Variants in LRMDA observed in about 807,000 individuals in gnomAD.
The protein encoded by LRMDA is leucine rich melanocyte differentiation associated.
Under a neutral mutation model 29.8 loss-of-function variants are expected in LRMDA, and 18 were observed. The observed-to-expected ratio is 0.60, with a 90% CI of 0.42 to 0.90. The LOEUF (loss-of-function observed/expected upper bound fraction) is 0.90. Ranked by LOEUF, LRMDA falls within the 40% of genes least tolerant of loss-of-function variation. The pLI, the probability that LRMDA is intolerant of heterozygous loss-of-function variation, is 0.00. For synonymous variants in LRMDA, 125 were observed against 109.4 expected, an observed-to-expected ratio of 1.14 and a Z score of -0.89; for missense variants, 273 against 273.9, an observed-to-expected ratio of 1.00 and a Z score of 0.02.
chr10:76,210,870 C>T (rs1029642048), intron 5 of LRMDA, among the ~76,000 whole-genome samples: 2 of 152,174 alleles, frequency 1.3e-5, no homozygotes, highest in Non-Finnish European at 2.9e-5. Context: ...GTTGGAGGGA[C>T]ATCTGGAGGA....
At chr10:76,490,438 T>G (rs1842822523) in intron 6 of LRMDA, among the ~76,000 whole-genome samples, 2 of 151,952 alleles carry the variant, frequency 1.3e-5, no homozygotes, top group Admixed American at 1.3e-4. Context: ...GCTCTAATAT[T>G]TGCTTCATAT....
At chr10:76,489,858 C>CT (rs1842815939) in intron 6 of LRMDA, among the ~76,000 whole-genome samples, 2 of 151,938 alleles carry the variant, frequency 1.3e-5, no homozygotes, top group South Asian at 4.1e-4. Flanking sequence ...TCCCTCTTCA[C>CT]TTGACACTCA....
intron 5 of LRMDA, among the ~76,000 whole-genome samples, chr10:76,272,084 G>A (rs536560536): frequency 5.6e-4 from 86 of 152,312 alleles, no homozygotes; most frequent in Non-Finnish European, 1.0e-3. Flanking sequence ...GTCTTCCATG[G>A]TACTTCTCCT....
At position 76,465,421 on chromosome 10, in the gene LRMDA, C is replaced by G. The variant is rs182908607; in HGVS notation, c.602-91788C>G. ...TCCACTGCCTTTGGAGCTATCACTACTGCCATAAGAACCAAGGACAGTAGC... is the reference window on the plus strand; with the variant it reads ...TCCACTGCCTTTGGAGCTATCACTAGTGCCATAAGAACCAAGGACAGTAGC... On this transcript the variant is annotated intron_variant, in intron 6 of 6. Transcript: ENST00000611255. Among the ~76,000 whole-genome samples, 25 of 152,314 alleles carry G rather than the reference C, an allele frequency of 1.6e-4. No individual in the cohort carries two copies. The East Asian group carries it at 4.8e-3, about 29-fold the overall frequency.
intron 5 of LRMDA, among the ~76,000 whole-genome samples, chr10:76,104,547 G>A (rs1349101175): frequency 1.3e-5 from 2 of 151,284 alleles, no homozygotes; most frequent in Non-Finnish European, 1.5e-5. Flanking sequence ...GCAGCTCTGG[G>A]TCTCCCTGCA....
chr10:75,940,487 A>C (rs115133269), intron 2 of LRMDA, among the ~76,000 whole-genome samples: 1 of 152,250 alleles, frequency 6.6e-6, no homozygotes, highest in African/African-American at 2.4e-5. Context: ...CCACGAAGCC[A>C]TTCTGGTTTC....
In LRMDA at chr10:76,219,293, T is replaced by A. The variant is rs868263120; in HGVS notation, c.517-105108T>A. On this transcript the variant is annotated intron_variant, in intron 5 of 6. Transcript: ENST00000611255. ...TAACTTTAAATGTAAATGGACTAAA[T>A]GCTCCAATTAAAAGACACAGACTGG... Among the ~76,000 whole-genome samples, 3 of 151,416 alleles carry A rather than the reference T, an allele frequency of 2.0e-5. No individual in the cohort carries two copies. In the South Asian group the frequency reaches 6.2e-4, roughly 31 times the overall value.
intron 5 of LRMDA, among the ~76,000 whole-genome samples, chr10:76,171,805 T>C (rs1007932457): frequency 8.5e-5 from 13 of 152,188 alleles, no homozygotes; most frequent in Non-Finnish European, 2.9e-5. Flanking sequence ...CCTTATACAG[T>C]TAAGAACCAG....
At chr10:75,722,231 G>A (rs189458389) in intron 2 of LRMDA, among the ~76,000 whole-genome samples, 2 of 152,132 alleles carry the variant, frequency 1.3e-5, no homozygotes, top group East Asian at 3.9e-4. Flanking sequence ...ATTGCTACAA[G>A]ACCATAAATC....
At chr10:75,622,597 A>G (rs890921515) in intron 2 of LRMDA, among the ~76,000 whole-genome samples, 1 of 152,216 alleles carries the variant, frequency 6.6e-6, no homozygotes, top group African/African-American at 2.4e-5. Context: ...ATAAAGATAT[A>G]TAGTGCTGGG....
intron 6 of LRMDA, among the ~76,000 whole-genome samples, chr10:76,462,384 A>C (rs1842522254): frequency 1.3e-5 from 2 of 152,168 alleles, no homozygotes; most frequent in African/African-American, 2.4e-5. Context: ...GTTCCTTCCC[A>C]TCAGTTGACA....
intron 2 of LRMDA, among the ~76,000 whole-genome samples, chr10:75,486,648 G>C (rs952849008): frequency 1.6e-4 from 25 of 152,210 alleles, no homozygotes; most frequent in East Asian, 3.9e-4. Flanking sequence ...TCTGGTCTGG[G>C]GGGGGCAACA....
At chr10:76,006,758 G>GA (rs1392605992) in intron 2 of LRMDA, among the ~76,000 whole-genome samples, 1 of 152,078 alleles carries the variant, frequency 6.6e-6, no homozygotes, top group African/African-American at 2.4e-5. Context: ...CTTAAAAAAA[G>GA]AAAAAACCTG....
At chr10:76,345,192 G>A (rs1391316010) in intron 6 of LRMDA, among the ~76,000 whole-genome samples, 5 of 144,530 alleles carry the variant, frequency 3.5e-5, no homozygotes, top group African/African-American at 1.0e-4. Flanking sequence ...TCAGCCTCCC[G>A]AGTAGCTGGG....
At chr10:76,055,940 C>A (rs574516293) in intron 4 of LRMDA, among the ~76,000 whole-genome samples, 1 of 152,222 alleles carries the variant, frequency 6.6e-6, no homozygotes, top group Non-Finnish European at 1.5e-5. Flanking sequence ...CACCATGTGG[C>A]GAGTGGGGGG....
chr10:75,826,449 A>G (rs2132286462), intron 2 of LRMDA, among the ~76,000 whole-genome samples: 1 of 152,258 alleles, frequency 6.6e-6, no homozygotes, highest in South Asian at 2.1e-4. Context: ...ATGTTTTTGT[A>G]AATTTGCAAA....
intron 5 of LRMDA, among the ~76,000 whole-genome samples, chr10:76,069,236 A>T (rs182909581): frequency 6.6e-6 from 1 of 152,204 alleles, no homozygotes; most frequent in Non-Finnish European, 1.5e-5. Context: ...CAGAAGTGCC[A>T]TTTCACAAGC....
intron 2 of LRMDA, among the ~76,000 whole-genome samples, chr10:75,708,967 G>A (rs973745186): frequency 2.0e-5 from 3 of 152,186 alleles, no homozygotes; most frequent in African/African-American, 7.2e-5. Context: ...ATTTGCATAG[G>A]AATAGGAAGT....
At chr10:76,253,114 T>G (rs560814888) in intron 5 of LRMDA, among the ~76,000 whole-genome samples, 70 of 152,292 alleles carry the variant, frequency 4.6e-4, no homozygotes, top group South Asian at 1.0e-3. Context: ...CCAGCAAAAC[T>G]CTCCCATCCC....
Sources: allele counts gnomAD v4.1 joint callset (sites outside exome capture counted in the v4.1 genomes callset), GRCh38; gene constraint gnomAD v4.1.1; transcripts MANE v1.5; gene names NCBI Gene and HGNC (gene_info 2026-07-23, HGNC 2026-07-21).